The following MED12 variants were observed in gnomAD, a reference collection of about 807,000 sequenced individuals.
The protein encoded by MED12 is mediator complex subunit 12, also known as mediator of RNA polymerase II transcription subunit 12.
Under a neutral mutation model 177.7 loss-of-function variants are expected in MED12, and 10 were observed. That is an observed-to-expected ratio of 0.06 (90% confidence interval 0.03 to 0.10). MED12 has a LOEUF of 0.10. MED12 is among the 10% of genes least tolerant of loss of function. The pLI is 1.00. For missense variants in MED12, 867 were observed against 1,780.8 expected (o/e 0.49, Z 9.23); for synonymous variants, 641 against 678.4 (o/e 0.94, Z 0.86).
intron 7 of MED12, 29 bp downstream of exon 7, chrX:71,121,845 T>C (rs368175213): frequency 5.4e-5 from 65 of 1,209,643 alleles, no homozygotes; most frequent in South Asian, 1.1e-4. Context: ...CAAGGAAGCA[T>C]TGAGAGATAG....
At chrX:71,121,202 T>C (rs776809269) in intron 5 of MED12, 50 bp downstream of exon 5, 2 of 1,203,222 alleles carry the variant, frequency 1.7e-6, no homozygotes, top group South Asian at 3.5e-5. Flanking sequence ...CTTGAACTTG[T>C]ACTCTGCCAG....
intron 4 of MED12, 77 bp downstream of exon 4, chrX:71,120,247 T>C (rs1378510241): frequency 3.9e-6 from 4 of 1,035,077 alleles, no homozygotes; most frequent in African/African-American, 1.9e-5. Flanking sequence ...CCATCCTCCT[T>C]CTTAATCTAG....
Position 71,125,429 on chromosome X carries a change from C to A in MED12, c.2305C>A (p.His769Asn), listed in dbSNP as rs755014778. The stretch of plus-strand genomic sequence containing the variant: ...GGGAAAGCAGCGAGATGATGCCCGC[C>A]ATGCCATCAAGAAAATCACCAAGGA... ...GVGKQRDDAR[H>N]AIKKITKDIL... Residue 769 changes from histidine (H) to asparagine (N), a missense_variant, in exon 16 of 45, where the codon CAT (histidine) becomes AAT (asparagine). Around this residue, in one of 14 missense-constraint regions of MED12, gnomAD observed 309 missense variants for 556.3 expected, o/e 0.56. Coordinates refer to ENST00000374080, the MANE Select transcript of MED12 (RefSeq NM_005120.3). 6.6e-6 allele frequency: 8 copies of A among 1,210,231 alleles called. No homozygotes were observed. Among genetic ancestry groups the A allele is most frequent in the Non-Finnish European group, 8.9e-6 (8 of 894,607 alleles).
rs771467625 is a variant in MED12, at chrX:71,140,240, CA to C, written c.6045-394del. 3.2e-3 allele frequency among the ~76,000 whole-genome samples: 344 copies of C among 107,570 alleles called. 3 individuals are homozygous for C. The highest frequency in any genetic ancestry group is 4.8e-3 in the Non-Finnish European group (249 of 52,001). The allele number at this position is 107,570 out of a possible 115,157, so 93.4% of individuals were successfully genotyped here. Reference sequence around the variant, plus strand: ...GATTACAGGCATCCACTACCACGCTCAGCTATTTTTTTTTGTATTTTTGCTA... The same window carrying C: ...GATTACAGGCATCCACTACCACGCTCGCTATTTTTTTTTGTATTTTTGCTA... On this transcript the variant is annotated intron_variant, in intron 41 of 44. Transcript: ENST00000374080.
At chrX:71,135,323 C>T in intron 36 of MED12, 70 bp downstream of exon 36, 2 of 1,116,355 alleles carry the variant, frequency 1.8e-6, no homozygotes, top group Non-Finnish European at 2.5e-6. Context: ...CCTGCATCAG[C>T]TTTGTAGCTC....
chrX:71,120,243 T>C, intron 4 of MED12, 73 bp downstream of exon 4: 1 of 1,041,084 alleles, frequency 9.6e-7, no homozygotes. Context: ...GGAACCATCC[T>C]CCTTCTTAAT....
At chrX:71,130,250 T>C (rs761987363) in intron 28 of MED12, 36 bp downstream of exon 28, 12 of 1,166,231 alleles carry the variant, frequency 1.0e-5, no homozygotes, top group Non-Finnish European at 1.2e-5. Context: ...GAGGAAGCAG[T>C]GGGCCCAATC....
rs1292652677 is a variant in MED12 at position 71,140,668 on chromosome X, G to A, written c.6078G>A (p.Met2026Ile). ...ACCAGACACTGCAGCAGACACCCAT[G>A]ATAAGTACCATGACTCCAATGAGTG... ...FSHQTLQQTP[M>I]ISTMTPMSAQ... Residue 2026 changes from methionine to isoleucine, a missense_variant, in exon 42 of 45, where the codon ATG (methionine) becomes ATA (isoleucine). Met to Ile is a conservative substitution (Grantham distance 10). This residue lies in a region of MED12 where 236 missense variants were observed against 345.2 expected (regional missense o/e 0.68). Transcript: ENST00000374080. 8.3e-7 allele frequency: 1 copy of A among 1,210,936 alleles called. No homozygotes were observed. Among genetic ancestry groups the A allele is most frequent in the Non-Finnish European group, 1.1e-6 (1 of 895,365 alleles).
chrX:71,141,521 G>C, intron 43 of MED12, 151 bp downstream of exon 43: 1 of 782,676 alleles, frequency 1.3e-6, no homozygotes, highest in Non-Finnish European at 1.9e-6. Flanking sequence ...AGGCGCAGTG[G>C]CTCACGCCTG....
intron 43 of MED12, 72 bp from the exon 44 acceptor site, chrX:71,141,811 A>G (rs1489906965): frequency 9.7e-7 from 1 of 1,034,333 alleles, no homozygotes; most frequent in African/African-American, 1.9e-5. Flanking sequence ...CAAAAAAAAA[A>G]ACGGATTGGG....
At chrX:71,131,125 C>CTTT (rs754896365) in intron 28 of MED12, among the ~76,000 whole-genome samples, 97 of 80,230 alleles carry the variant, frequency 1.2e-3, no homozygotes, top group African/African-American at 2.1e-3. Flanking sequence ...TAAATGTAGT[C>CTTT]TTTTTTTTTT....
At chrX:71,141,809 A>C (rs757853202) in intron 43 of MED12, 74 bp from the exon 44 acceptor site, 2 of 1,032,665 alleles carry the variant, frequency 1.9e-6, no homozygotes, top group Admixed American at 4.7e-5. Flanking sequence ...CTCAAAAAAA[A>C]AAACGGATTG....
At chrX:71,126,873 G>A (rs2092304684) in intron 19 of MED12, 96 bp from the exon 20 acceptor site, 22 of 939,275 alleles carry the variant, frequency 2.3e-5, no homozygotes, top group Non-Finnish European at 1.2e-5. Flanking sequence ...GCAGGAAGGG[G>A]CTCAGGCCCA....
chrX:71,135,107 C>T lies in MED12; in HGVS notation c.4879C>T (p.Arg1627Cys), dbSNP rs776748297. 9.9e-6 allele frequency: 12 copies of T among 1,211,104 alleles called. No homozygotes were observed. The highest frequency in any genetic ancestry group is 1.2e-5 in the Non-Finnish European group (11 of 895,312). ...GTGCCTGCAGAAGGAGTTGGGGGAG[C>T]GCCAGTCAGACAGTCTGGAAAAGGT... ...AKKLQKELGE[R>C]QSDSLEKVRQ... The change falls in exon 36 of 45, where the codon CGC becomes TGC. Residue 1627 changes from arginine to cysteine, a missense_variant. Coordinates refer to ENST00000374080, the MANE Select transcript of MED12 (RefSeq NM_005120.3).
At chrX:71,119,327 C>T (rs1370776976) in intron 1 of MED12, 46 bp from the exon 2 acceptor site, 1 of 1,005,093 alleles carries the variant, frequency 9.9e-7, no homozygotes, top group African/African-American at 1.9e-5. Context: ...ACCCCTTCCC[C>T]CTTCCCCTAA....
Position 71,128,407 on chromosome X carries a change from T to C in MED12, c.3321T>C (p.Thr1107=). Residue 1107 remains threonine, a synonymous_variant, in exon 23 of 45, where the codon ACT becomes ACC. Transcript: ENST00000374080. ...KALCCSSNNG[T]CGFNDLLCNV... is the part of the protein sequence containing the mutation. The stretch of plus-strand genomic sequence containing the variant: ...TGTGCTGCTCCTCTAACAATGGCAC[T>C]TGTGGTTTCAACGATCTCCTCTGCA... The C allele has an allele frequency of 8.3e-7, 1 of 1,211,612 alleles. No individual in the cohort carries two copies. Among genetic ancestry groups the C allele is most frequent in the East Asian group, 3.0e-5 (1 of 33,844 alleles).
At chrX:71,128,803 T>C in intron 24 of MED12, 85 bp downstream of exon 24, 7 of 1,101,729 alleles carry the variant, frequency 6.4e-6, no homozygotes, top group Non-Finnish European at 8.7e-6. Flanking sequence ...TTGTTCACTG[T>C]GGGAGACCTT....
chrX:71,132,563 A>G, intron 31 of MED12, 25 bp downstream of exon 31: 1 of 1,166,202 alleles, frequency 8.6e-7, no homozygotes, highest in Non-Finnish European at 1.1e-6. Flanking sequence ...GGAGTGGACC[A>G]AGATTGAGGG....
Position 71,142,291 on chromosome X carries a change from G to C in MED12, c.*73G>C. The C allele has an allele frequency of 3.7e-6, 4 of 1,086,585 alleles. No homozygotes were observed. The highest frequency in any genetic ancestry group is 5.1e-6 in the Non-Finnish European group (4 of 781,867). 89.5% of individuals were successfully genotyped at this position (1,086,585 alleles called of 1,213,427 possible). A position where few individuals can be genotyped will look rare whatever the true frequency, so the allele number is the denominator to read the frequency against. On this transcript the variant is annotated 3_prime_UTR_variant, in exon 45 of 45. Coordinates refer to ENST00000374080, the MANE Select transcript of MED12 (RefSeq NM_005120.3). ...CTCTTAATTCCCAATCCCATTCCTG[G>C]GCTAGCACCAGTAGTGGTTGGGGCC...
Sources: allele counts gnomAD v4.1 joint callset (sites outside exome capture counted in the v4.1 genomes callset), GRCh38; gene constraint gnomAD v4.1.1; regional missense constraint gnomAD v4.1.1; transcripts MANE v1.5; gene names NCBI Gene and HGNC (gene_info 2026-07-23, HGNC 2026-07-21).